Variants in ATP9B observed in about 807,000 individuals in gnomAD.
ATP9B encodes the protein ATPase phospholipid transporting 9B.
In ATP9B, 110 loss-of-function variants were observed where a neutral mutation model predicts 146.1. That is an observed-to-expected ratio of 0.75 (90% confidence interval 0.65 to 0.88). ATP9B has a LOEUF of 0.88. ATP9B is among the 40% of genes least tolerant of loss of function. The pLI, the probability that ATP9B is intolerant of heterozygous loss-of-function variation, is 0.00. For missense variants in ATP9B, 1,499 were observed against 1,496.4 expected (o/e 1.00, Z -0.03); for synonymous variants, 604 against 569.7 (o/e 1.06, Z -0.86).
At chr18:79,090,908 G>A (rs2074267738) in intron 1 of ATP9B, among the ~76,000 whole-genome samples, 2 of 152,152 alleles carry the variant, frequency 1.3e-5, no homozygotes, top group Admixed American at 1.3e-4. Flanking sequence ...TAGTTTCATA[G>A]TTTGAGGTCT....
At chr18:79,326,038 C>T (rs628640) in intron 15 of ATP9B, among the ~76,000 whole-genome samples, 90 of 87,216 alleles carry the variant, frequency 1.0e-3, no homozygotes, top group South Asian at 3.8e-3. Flanking sequence ...TAGGGTGTCA[C>T]CTCTGTACCC....
chr18:79,206,173 C>T (rs1250593242), intron 9 of ATP9B, among the ~76,000 whole-genome samples: 1 of 152,164 alleles, frequency 6.6e-6, no homozygotes, highest in Non-Finnish European at 1.5e-5. Flanking sequence ...ATCTCCTGAC[C>T]TCATGATCCA....
At chr18:79,175,843 C>G (rs369556403) in intron 7 of ATP9B, among the ~76,000 whole-genome samples, 2 of 152,172 alleles carry the variant, frequency 1.3e-5, no homozygotes, top group African/African-American at 4.8e-5. Flanking sequence ...CATATACATG[C>G]ACACACACAG....
intron 11 of ATP9B, among the ~76,000 whole-genome samples, chr18:79,222,688 C>T (rs577918562): frequency 2.2e-4 from 34 of 152,278 alleles, no homozygotes; most frequent in South Asian, 6.2e-4. Context: ...TTCCCGCCTC[C>T]TAGTGCTTAT....
intron 26 of ATP9B, chr18:79,360,224 A>G (rs2096979878): frequency 6.6e-6 from 1 of 152,248 alleles, no homozygotes; most frequent in Admixed American, 6.5e-5. Flanking sequence ...ATTTTCCACA[A>G]AGCTAGCTGT....
intron 23 of ATP9B, among the ~76,000 whole-genome samples, chr18:79,347,459 G>C (rs1294453593): frequency 6.6e-6 from 1 of 152,180 alleles, no homozygotes; most frequent in Non-Finnish European, 1.5e-5. Context: ...CCCACACTCA[G>C]ATCACAAGGG....
intron 13 of ATP9B, among the ~76,000 whole-genome samples, chr18:79,277,998 T>G (rs1447445786): frequency 6.6e-6 from 1 of 152,218 alleles, no homozygotes; most frequent in African/African-American, 2.4e-5. Flanking sequence ...AGACTGTTAT[T>G]TAAAATTCAT....
rs151219230 is a variant in ATP9B, at chr18:79,310,441, G to A, written c.1773+3207G>A. Among the ~76,000 whole-genome samples the A allele has an allele frequency of 6.6e-3, 1,005 of 152,314 alleles. 6 individuals carry two copies. The highest frequency in any genetic ancestry group is 0.023 in the African/African-American group (940 of 41,568). On this transcript the variant is annotated intron_variant, in intron 15 of 29. Transcript: ENST00000426216. Reference sequence around the variant, plus strand: ...ATAAATGTGTGTTGATAATTGAGGAGGAGCTATGCTGGCTGCAGAGCTGAC... The same window carrying A: ...ATAAATGTGTGTTGATAATTGAGGAAGAGCTATGCTGGCTGCAGAGCTGAC...
chr18:79,163,596 CTG>C (rs977578402), intron 7 of ATP9B, among the ~76,000 whole-genome samples: 11 of 152,048 alleles, frequency 7.2e-5, no homozygotes, highest in African/African-American at 2.4e-4. Flanking sequence ...TAGAAAAAAA[CTG>C]TAACTTTAAA....
intron 7 of ATP9B, among the ~76,000 whole-genome samples, chr18:79,157,409 A>AAAAACAAAC (rs2094807679): frequency 6.8e-6 from 1 of 147,486 alleles, no homozygotes; most frequent in Non-Finnish European, 1.5e-5. Context: ...AAAAAAAAAA[A>AAAAACAAAC]AAAAAAAAAA....
intron 4 of ATP9B, among the ~76,000 whole-genome samples, chr18:79,122,049 T>C (rs1599712711): frequency 6.6e-6 from 1 of 152,186 alleles, no homozygotes; most frequent in Non-Finnish European, 1.5e-5. Flanking sequence ...GTTTAACATA[T>C]GTGTCTGAGG....
chr18:79,369,821 G>A (rs530955855), intron 26 of ATP9B, among the ~76,000 whole-genome samples: 4 of 152,134 alleles, frequency 2.6e-5, no homozygotes, highest in African/African-American at 7.2e-5. Flanking sequence ...TGATTTGGCC[G>A]GGCGCAGTGG....
At chr18:79,261,013 G>A (rs1418221770) in intron 12 of ATP9B, among the ~76,000 whole-genome samples, 1 of 152,176 alleles carries the variant, frequency 6.6e-6, no homozygotes, top group Non-Finnish European at 1.5e-5. Flanking sequence ...TCCACAGGTG[G>A]AGAGGAACTT....
intron 13 of ATP9B, among the ~76,000 whole-genome samples, chr18:79,292,313 G>A (rs568380604): frequency 2.8e-4 from 42 of 152,304 alleles, no homozygotes; most frequent in Admixed American, 2.1e-3. Context: ...AAATCCTCAG[G>A]AGTCACCCAG....
chr18:79,317,079 G>C (rs1342350013), intron 15 of ATP9B, among the ~76,000 whole-genome samples: 2 of 152,156 alleles, frequency 1.3e-5, no homozygotes, highest in Non-Finnish European at 2.9e-5. Context: ...ATATAAATCT[G>C]AGTAGACGAG....
rs182823525 is a variant in ATP9B at position 79,142,494 on chromosome 18, T to C, written c.668-1308T>C. Among the ~76,000 whole-genome samples, 1,062 of 152,258 alleles carry C rather than the reference T, an allele frequency of 7.0e-3. 14 individuals carry two copies. The highest frequency in any genetic ancestry group is 0.024 in the African/African-American group (1,002 of 41,562). ...AGCTAGGAGAGAGGGTGAAATTAGA[T>C]GATGAAGTAGGAACTTTAGGTCAGT... On this transcript the variant is annotated intron_variant, in intron 5 of 29. Transcript: ENST00000426216.
chr18:79,205,137 A>G (rs1394981450), intron 9 of ATP9B, among the ~76,000 whole-genome samples: 1 of 152,174 alleles, frequency 6.6e-6, no homozygotes, highest in African/African-American at 2.4e-5. Flanking sequence ...TGGGCTTGCT[A>G]TTTTGGGCAT....
rs780954793 is a variant in ATP9B, at chr18:79,253,469, A to G, written c.1196A>G (p.Gln399Arg). The G allele has an allele frequency of 3.7e-6, 6 of 1,613,678 alleles. No homozygotes were observed. The highest frequency in any genetic ancestry group is 5.1e-6 in the Non-Finnish European group (6 of 1,179,872). ...VALSIVMVTL[Q>R]GFVGPWYRNL... ...CTTTCCATTGTTATGGTAACCTTAC[A>G]AGGATTTGTGGGTCCATGGTACCGC... is the stretch of plus-strand genomic sequence containing the variant. Residue 399 changes from glutamine (Q) to arginine (R), a missense_variant, in exon 12 of 30, where the codon CAA (glutamine) becomes CGA (arginine). Gln to Arg is a conservative substitution (Grantham distance 43). Transcript: ENST00000426216.
chr18:79,314,714 A>G (rs1267257792), intron 15 of ATP9B, among the ~76,000 whole-genome samples: 1 of 152,256 alleles, frequency 6.6e-6, no homozygotes, highest in African/African-American at 2.4e-5. Flanking sequence ...TGCTCTCCGC[A>G]GGCTCAGCAT....
Sources: allele counts gnomAD v4.1 joint callset (sites outside exome capture counted in the v4.1 genomes callset), GRCh38; gene constraint gnomAD v4.1.1; transcripts MANE v1.5; gene names NCBI Gene and HGNC (gene_info 2026-07-23, HGNC 2026-07-21).